Variants in DAB1 observed in about 807,000 individuals in gnomAD.
DAB1 encodes the protein disabled homolog 1.
Under a neutral mutation model 64.6 loss-of-function variants are expected in DAB1, and 15 were observed. That is an observed-to-expected ratio of 0.23 (90% CI 0.16 to 0.36). DAB1 has a LOEUF of 0.36. Among genes scored for constraint, DAB1 ranks in the 10% least tolerant of loss-of-function variants. DAB1 has a pLI of 1.00. For synonymous variants in DAB1, 235 were observed against 251.9 expected (o/e 0.93, Z 0.64); for missense variants, 596 against 706.7 (o/e 0.84, Z 1.78).
intron 3 of DAB1, among the ~76,000 whole-genome samples, chr1:58,434,881 C>G (rs185997419): frequency 5.3e-5 from 8 of 152,234 alleles, no homozygotes; most frequent in African/African-American, 1.7e-4. Context: ...CCCCACCCAG[C>G]AGTCAAGCTT....
At position 58,334,631 on chromosome 1, in the gene DAB1, TATATC is replaced by T. The variant is rs1173379765; in HGVS notation, n.309+8716_309+8720del. The stretch of plus-strand genomic sequence containing the variant: ...TATATTATATTATATTATATTATAT[TATATC>T]ATATCATATCATATCATATTATATT... On this transcript the variant is annotated intron_variant and non_coding_transcript_variant, in intron 4 of 20. Coordinates refer to the DAB1 transcript ENST00000485760. 3.2e-3 allele frequency among the ~76,000 whole-genome samples: 265 copies of T among 83,220 alleles called. 1 individual carries two copies. The South Asian group carries it at 0.039, about 12-fold the overall frequency. The allele number at this position is 83,220 out of a possible 152,430, so 54.6% of individuals were successfully genotyped here.
chr1:57,669,672 C>G (rs1293598740), intron 6 of DAB1, among the ~76,000 whole-genome samples: 1 of 152,092 alleles, frequency 6.6e-6, no homozygotes, highest in African/African-American at 2.4e-5. Context: ...TTAATAACAT[C>G]CCCCATTTCC....
At chr1:57,188,633 C>T (rs1557898589) in intron 2 of DAB1, among the ~76,000 whole-genome samples, 1 of 118,280 alleles carries the variant, frequency 8.5e-6, no homozygotes, top group Non-Finnish European at 1.7e-5. Context: ...AGTCCCAATG[C>T]TTTCCCAGCA....
At chr1:57,724,270 GGAAGGAAGGAAGGAAC>G (rs1339070714) in intron 6 of DAB1, among the ~76,000 whole-genome samples, 16 of 113,036 alleles carry the variant, frequency 1.4e-4, no homozygotes, top group Non-Finnish European at 2.6e-4. Flanking sequence ...GAGGGAAAAA[GGAAGGAAGGAAGGAAC>G]GAAGGAAGGA....
At chr1:57,235,514 T>A (rs1329760199) in intron 2 of DAB1, among the ~76,000 whole-genome samples, 1 of 152,162 alleles carries the variant, frequency 6.6e-6, no homozygotes, top group Non-Finnish European at 1.5e-5. Flanking sequence ...TAAATGATTG[T>A]GTAGCAGCTC....
In DAB1 at chr1:57,955,734, C is replaced by G. The variant is rs115483228; in HGVS notation, n.388-71572G>C. 8.6e-3 allele frequency among the ~76,000 whole-genome samples: 1,306 copies of G among 152,108 alleles called. 16 individuals are homozygous for G. The highest frequency in any genetic ancestry group is 0.03 in the African/African-American group (1,237 of 41,480). On this transcript the variant is annotated intron_variant and non_coding_transcript_variant, in intron 5 of 20. Transcript: ENST00000485760. ...AAATTATCTGACTGCAAATTACACACTGCTACTCCATGAGCTCCATTGAGG... is the reference window on the plus strand; with the variant it reads ...AAATTATCTGACTGCAAATTACACAGTGCTACTCCATGAGCTCCATTGAGG...
At chr1:57,439,418 G>GTTTTTTTTTT in intron 7 of DAB1, among the ~76,000 whole-genome samples, 3,930 of 115,558 alleles carry the variant, frequency 0.034, 486 homozygotes, top group Non-Finnish European at 0.049. Context: ...TGGTGATGAG[G>GTTTTTTTTTT]TTTTTTCTTT....
chr1:58,185,064 T>C (rs1333080478), intron 4 of DAB1, among the ~76,000 whole-genome samples: 1 of 152,208 alleles, frequency 6.6e-6, no homozygotes, highest in African/African-American at 2.4e-5. Flanking sequence ...TTATCCCACA[T>C]TCTGCAAAAC....
intron 4 of DAB1, among the ~76,000 whole-genome samples, chr1:58,274,640 G>C (rs1357542522): frequency 6.6e-6 from 1 of 151,950 alleles, no homozygotes; most frequent in Non-Finnish European, 1.5e-5. Flanking sequence ...TCAGACTTCT[G>C]TGCTAGCAGT....
At chr1:57,824,013 C>T (rs1652238347), downstream of DAB1, among the ~76,000 whole-genome samples, 1 of 152,170 alleles carries the variant, frequency 6.6e-6, no homozygotes, top group African/African-American at 2.4e-5. Context: ...TAATAATGTG[C>T]TGCTGATGAT....
intron 4 of DAB1, among the ~76,000 whole-genome samples, chr1:58,233,532 G>A (rs1026349407): frequency 6.6e-6 from 1 of 152,054 alleles, no homozygotes; most frequent in African/African-American, 2.4e-5. Flanking sequence ...CTGTTACCAG[G>A]GTCTGCCCTT....
At chr1:57,771,620 T>G (rs996950689) in intron 6 of DAB1, among the ~76,000 whole-genome samples, 18 of 152,166 alleles carry the variant, frequency 1.2e-4, no homozygotes, top group Admixed American at 5.2e-4. Flanking sequence ...GAGCCTATTT[T>G]AAGTATACTC....
intron 4 of DAB1, among the ~76,000 whole-genome samples, chr1:58,207,559 C>A (rs139082074): frequency 1.3e-5 from 2 of 152,324 alleles, no homozygotes; most frequent in African/African-American, 2.4e-5. Flanking sequence ...CCAGTGAGGG[C>A]AACTGTGATC....
intron 6 of DAB1, among the ~76,000 whole-genome samples, chr1:57,683,620 T>C (rs1022629334): frequency 6.6e-6 from 1 of 152,122 alleles, no homozygotes; most frequent in African/African-American, 2.4e-5. Context: ...CAAAAATGAA[T>C]ACAATTGACT....
chr1:58,091,052 C>A (rs908188200), intron 5 of DAB1, among the ~76,000 whole-genome samples: 1 of 152,204 alleles, frequency 6.6e-6, no homozygotes, highest in Non-Finnish European at 1.5e-5. Context: ...GTCCTCAGTA[C>A]TTCCTGTTTG....
At chr1:58,106,065 GTTTT>G (rs1318162615) in intron 5 of DAB1, among the ~76,000 whole-genome samples, 1 of 141,222 alleles carries the variant, frequency 7.1e-6, no homozygotes, top group Non-Finnish European at 1.5e-5. Flanking sequence ...TGTTGTTTTG[GTTTT>G]TTGTTTTTTG....
At chr1:57,818,350 G>A (rs1651964080) in intron 6 of DAB1, among the ~76,000 whole-genome samples, 1 of 152,120 alleles carries the variant, frequency 6.6e-6, no homozygotes, top group Admixed American at 6.5e-5. Context: ...AACGCCCCAT[G>A]TCCCTAAACA....
At chr1:57,243,031 T>A (rs1668606380) in intron 2 of DAB1, among the ~76,000 whole-genome samples, 1 of 152,176 alleles carries the variant, frequency 6.6e-6, no homozygotes, top group African/African-American at 2.4e-5. Flanking sequence ...TGACCTGAAA[T>A]GGGTTGTTAC....
chr1:57,195,965 T>C (rs1217370731), intron 2 of DAB1, among the ~76,000 whole-genome samples: 2 of 151,898 alleles, frequency 1.3e-5, no homozygotes, highest in East Asian at 3.9e-4. Flanking sequence ...TATGAATTTA[T>C]AGATAAATTG....
Sources: gnomAD v4.1 joint callset for allele counts (sites outside exome capture counted in the v4.1 genomes callset) on GRCh38, gnomAD v4.1.1 for gene constraint, MANE v1.5 for transcripts, NCBI Gene and HGNC (gene_info 2026-07-23, HGNC 2026-07-21) for gene names.